ATE1: variants seen among roughly 807,000 people sequenced by gnomAD.
ATE1 encodes arginyl-tRNA--protein transferase 1.
ATE1 carries 36 observed loss-of-function variants against 70.5 expected under a neutral mutation model. The observed-to-expected ratio is 0.51, with a 90% CI of 0.39 to 0.67. ATE1 has a LOEUF of 0.67. Among genes scored for constraint, ATE1 ranks in the 30% least tolerant of loss-of-function variants. The probability of loss-of-function intolerance (pLI) is 0.00; values close to 1 mark genes in which losing one functional copy is unlikely to be tolerated. For missense variants in ATE1, 593 were observed against 629.5 expected (o/e 0.94, Z 0.62); for synonymous variants, 232 against 219.3 (o/e 1.06, Z -0.51).
chr10:121,927,020 G>C lies in ATE1; in HGVS notation c.106+824C>G, dbSNP rs973337072. On this transcript the variant is annotated intron_variant, in intron 1 of 11. Coordinates refer to ENST00000224652, the MANE Select transcript of ATE1 (RefSeq NM_001001976.3). ...CCTTTTTCATGGAAAATGCCTGTGTGTTTTCATGCGAATCTCGTTTTCCAC... is the reference window on the plus strand; with the variant it reads ...CCTTTTTCATGGAAAATGCCTGTGTCTTTTCATGCGAATCTCGTTTTCCAC... The C allele has an allele frequency of 3.0e-6, 3 of 985,254 alleles. No individual in the cohort carries two copies. The African/African-American group carries it at 5.2e-5, about 17-fold the overall frequency. 61.0% of individuals were successfully genotyped at this position (985,254 alleles called of 1,614,324 possible).
rs1951399583 is a variant in ATE1, at chr10:121,910,971, A to G, written c.518T>C (p.Val173Ala). Reference protein sequence around the residue: ...PQELLQSQDFVGEKLGSGEPS... With the variant: ...PQELLQSQDFAGEKLGSGEPS... The stretch of plus-strand genomic sequence containing the variant: ...TTCACCAGAGCCCAACTTCTCTCCT[A>G]CGAAATCTTGTGACTGAAGTAATTC... Residue 173 changes from valine to alanine, a missense_variant, in exon 5 of 12, where the codon GTA becomes GCA. Physicochemically the swap from Val to Ala is moderately conservative, Grantham distance 64 (BLOSUM62 0). Around this residue, in one of 3 missense-constraint regions of ATE1, gnomAD observed 467 missense variants for 469.6 expected, o/e 0.99. Transcript: ENST00000224652. 1.2e-6 allele frequency: 2 copies of G among 1,613,930 alleles called. No individual in the cohort carries two copies. The highest frequency in any genetic ancestry group is 1.7e-5 in the Admixed American group (1 of 59,952).
chr10:121,798,210 T>A (rs1424884472), intron 10 of ATE1, among the ~76,000 whole-genome samples: 1 of 152,214 alleles, frequency 6.6e-6, no homozygotes, highest in Non-Finnish European at 1.5e-5. Context: ...CCTTTGGGAA[T>A]TCAGTGAATT....
chr10:121,861,650 G>C (rs1051268529), intron 8 of ATE1, among the ~76,000 whole-genome samples: 1 of 149,696 alleles, frequency 6.7e-6, no homozygotes, highest in Non-Finnish European at 1.5e-5. Flanking sequence ...CCTAATGCTA[G>C]ATGACGAGTT....
In ATE1 at chr10:121,800,311, T is replaced by G. The variant is rs114203758; in HGVS notation, c.1258-10022A>C. On this transcript the variant is annotated intron_variant, in intron 10 of 11. Transcript: ENST00000224652. Reference sequence around the variant, plus strand: ...ATATGATATTCAACCAAGTTAGCATTCTTGGCTTTTAATTGGAAACATCTG... The same window carrying G: ...ATATGATATTCAACCAAGTTAGCATGCTTGGCTTTTAATTGGAAACATCTG... 7.8e-3 allele frequency among the ~76,000 whole-genome samples: 1,194 copies of G among 152,346 alleles called. 14 individuals carry two copies. Among genetic ancestry groups the G allele is most frequent in the African/African-American group, 0.028 (1,152 of 41,580 alleles).
At chr10:121,750,782 A>G (rs1055095729) in intron 11 of ATE1, among the ~76,000 whole-genome samples, 2 of 152,236 alleles carry the variant, frequency 1.3e-5, no homozygotes, top group Non-Finnish European at 2.9e-5. Context: ...ACTCCAAGGA[A>G]GATACTTATA....
At chr10:121,926,332 T>C (rs901458159) in intron 1 of ATE1, among the ~76,000 whole-genome samples, 3 of 152,050 alleles carry the variant, frequency 2.0e-5, no homozygotes, top group Admixed American at 1.3e-4. Flanking sequence ...CCAACAGAAA[T>C]ATCCCGACAC....
intron 11 of ATE1, among the ~76,000 whole-genome samples, chr10:121,758,458 C>T (rs945051100): frequency 4.7e-4 from 72 of 152,254 alleles, no homozygotes; most frequent in African/African-American, 1.7e-3. Flanking sequence ...GTAGCAATAC[C>T]TCTGAAAATT....
intron 10 of ATE1, among the ~76,000 whole-genome samples, chr10:121,804,789 A>G (rs1220621281): frequency 6.6e-6 from 1 of 150,496 alleles, no homozygotes; most frequent in Non-Finnish European, 1.5e-5. Flanking sequence ...TGAATCTACT[A>G]CTGTTATCCT....
At chr10:121,769,396 A>C (rs1166483774) in intron 11 of ATE1, among the ~76,000 whole-genome samples, 4 of 152,220 alleles carry the variant, frequency 2.6e-5, no homozygotes, top group Non-Finnish European at 5.9e-5. Flanking sequence ...ACTTAAACCC[A>C]AATGGATGGA....
chr10:121,915,318 G>A (rs1451224661), intron 3 of ATE1, among the ~76,000 whole-genome samples: 1 of 152,078 alleles, frequency 6.6e-6, no homozygotes, highest in Non-Finnish European at 1.5e-5. Flanking sequence ...AACTGAAGTT[G>A]AAGAAACCTT....
chr10:121,760,667 A>G (rs1337015260), intron 11 of ATE1, among the ~76,000 whole-genome samples: 1 of 152,178 alleles, frequency 6.6e-6, no homozygotes, highest in African/African-American at 2.4e-5. Context: ...TGCTGCAAAT[A>G]TGGTTGAAAT....
chr10:121,777,075 A>C (rs1452327843), intron 11 of ATE1, among the ~76,000 whole-genome samples: 2 of 152,218 alleles, frequency 1.3e-5, no homozygotes, highest in African/African-American at 4.8e-5. Flanking sequence ...GAGGTCATAA[A>C]ACATATTAGG....
At chr10:121,903,271 G>A (rs193065429) in intron 5 of ATE1, among the ~76,000 whole-genome samples, 22 of 152,226 alleles carry the variant, frequency 1.4e-4, no homozygotes, top group Admixed American at 1.4e-3. Context: ...AGTACCTGCT[G>A]CATTAAAAGG....
intron 8 of ATE1, among the ~76,000 whole-genome samples, chr10:121,863,826 C>T (rs1949565066): frequency 6.6e-6 from 1 of 152,182 alleles, no homozygotes; most frequent in African/African-American, 2.4e-5. Flanking sequence ...GTTGCCCTGG[C>T]TGGTTTCAAA....
chr10:121,925,017 T>G (rs1003692756), intron 1 of ATE1, among the ~76,000 whole-genome samples: 4 of 152,242 alleles, frequency 2.6e-5, no homozygotes, highest in Non-Finnish European at 5.9e-5. Context: ...CAAAATGTTT[T>G]GTGCTTATTA....
intron 10 of ATE1, among the ~76,000 whole-genome samples, chr10:121,828,153 A>G (rs1380495954): frequency 6.6e-6 from 1 of 152,238 alleles, no homozygotes; most frequent in Admixed American, 6.5e-5. Flanking sequence ...GCATGACTGC[A>G]TGTGGAAATT....
chr10:121,819,600 G>A lies in ATE1; in HGVS notation c.1257+17118C>T, dbSNP rs569213536. Among the ~76,000 whole-genome samples, 16 of 147,064 alleles carry A rather than the reference G, an allele frequency of 1.1e-4. 2 individuals carry two copies. The highest frequency in any genetic ancestry group is 3.8e-4 in the African/African-American group (15 of 39,810). On this transcript the variant is annotated intron_variant, in intron 10 of 11. Coordinates refer to ENST00000224652, the MANE Select transcript of ATE1 (RefSeq NM_001001976.3). ...CAGGTGCCTGTAGTCCCAGCTACTC[G>A]GGAGGCTGAGGCAGGAGAATGGCGT...
chr10:121,745,803 A>C (rs1944346190), intron 11 of ATE1, among the ~76,000 whole-genome samples: 1 of 152,204 alleles, frequency 6.6e-6, no homozygotes, highest in South Asian at 2.1e-4. Flanking sequence ...GAGGCTGTTT[A>C]TGGCAACACT....
intron 11 of ATE1, among the ~76,000 whole-genome samples, chr10:121,768,265 A>G (rs976256252): frequency 6.6e-6 from 1 of 152,224 alleles, no homozygotes; most frequent in Non-Finnish European, 1.5e-5. Context: ...TGTAGATGCA[A>G]AACAGTGTGA....
Sources: allele counts gnomAD v4.1 joint callset (sites outside exome capture counted in the v4.1 genomes callset), GRCh38; gene constraint gnomAD v4.1.1; regional missense constraint gnomAD v4.1.1; transcripts MANE v1.5; gene names NCBI Gene and HGNC (gene_info 2026-07-23, HGNC 2026-07-21).